KBTBD2: variants seen among roughly 807,000 people sequenced by gnomAD.
KBTBD2 encodes the protein kelch repeat and BTB domain containing 2.
KBTBD2 carries 17 observed loss-of-function variants against 57.1 expected under a neutral mutation model. That is an observed-to-expected ratio of 0.30 (90% CI 0.20 to 0.45). The LOEUF (loss-of-function observed/expected upper bound fraction) is 0.45, where lower values mean the gene tolerates loss of function less well. Among genes scored for constraint, KBTBD2 ranks in the 20% least tolerant of loss-of-function variants. The pLI, the probability that KBTBD2 is intolerant of heterozygous loss-of-function variation, is 1.00. For missense variants in KBTBD2, 515 were observed against 750.6 expected (o/e 0.69, Z 3.67); for synonymous variants, 267 against 262.7 (o/e 1.02, Z -0.16).
chr7:32,889,340 C>T (rs940663123), intron 1 of KBTBD2, among the ~76,000 whole-genome samples: 2 of 150,244 alleles, frequency 1.3e-5, no homozygotes, highest in Non-Finnish European at 3.0e-5. Context: ...CGGTAGCTCA[C>T]GCCTGTAATC....
chr7:32,886,831 G>T (rs4720084), intron 1 of KBTBD2, among the ~76,000 whole-genome samples: 30,465 of 152,148 alleles, frequency 0.2, 3,787 homozygotes, highest in Admixed American at 0.4. Context: ...CCATGAAATT[G>T]TTTTACAGAT....
chr7:32,874,331 G>A (rs1396245710), intron 3 of KBTBD2, among the ~76,000 whole-genome samples: 4 of 151,842 alleles, frequency 2.6e-5, no homozygotes, highest in South Asian at 2.1e-4. Context: ...ACCCAGAGGC[G>A]GAGCTTGCAT....
At position 32,873,964 on chromosome 7, in the gene KBTBD2, G is replaced by A. The variant is rs187921970; in HGVS notation, c.336+1028C>T. 1.6e-3 allele frequency among the ~76,000 whole-genome samples: 239 copies of A among 152,164 alleles called. 2 individuals are homozygous for A. Among genetic ancestry groups the A allele is most frequent in the African/African-American group, 5.4e-3 (223 of 41,514 alleles). ...AAACACGTAATAAGAAAATTACATA[G>A]ATAAAAGACATTACTGGGCCAGGCA... On this transcript the variant is annotated intron_variant, in intron 3 of 3. Transcript: ENST00000304056.
Position 32,869,237 on chromosome 7 carries a change from A to G in KBTBD2, c.*108T>C. The G allele has an allele frequency of 2.6e-6, 2 of 754,930 alleles. No homozygotes were observed. Among genetic ancestry groups the G allele is most frequent in the East Asian group, 2.6e-5 (1 of 37,906 alleles). 46.8% of individuals were successfully genotyped at this position (754,930 alleles called of 1,614,324 possible). Reference sequence around the variant, plus strand: ...GTAGGGCATAAAAATAAAATTTATCAAAGATAGAATTTTATGTACTCATAT... The same window carrying G: ...GTAGGGCATAAAAATAAAATTTATCGAAGATAGAATTTTATGTACTCATAT... On this transcript the variant is annotated 3_prime_UTR_variant, in exon 4 of 4. Coordinates refer to ENST00000304056, the MANE Select transcript of KBTBD2 (RefSeq NM_015483.3).
chr7:32,873,003 G>C (rs770744422), intron 3 of KBTBD2, among the ~76,000 whole-genome samples: 6 of 152,130 alleles, frequency 3.9e-5, no homozygotes, highest in Non-Finnish European at 8.8e-5. Flanking sequence ...CATTCAACCA[G>C]TGTCATGCAT....
At chr7:32,873,577 T>C (rs1355590423) in intron 3 of KBTBD2, among the ~76,000 whole-genome samples, 1 of 151,814 alleles carries the variant, frequency 6.6e-6, no homozygotes, top group Non-Finnish European at 1.5e-5. Context: ...CAACTAAAAA[T>C]ACAAAAATTA....
Position 32,869,276 on chromosome 7 carries a change from A to C in KBTBD2, c.*69T>G, listed in dbSNP as rs1784105893. 5 of 1,135,084 alleles carry C rather than the reference A, an allele frequency of 4.4e-6. No individual in the cohort carries two copies. Among genetic ancestry groups the C allele is most frequent in the Admixed American group, 2.3e-5 (1 of 42,640 alleles). The allele number at this position is 1,135,084 out of a possible 1,614,324, so 70.3% of individuals were successfully genotyped here. On this transcript the variant is annotated 3_prime_UTR_variant, in exon 4 of 4. Coordinates refer to ENST00000304056, the MANE Select transcript of KBTBD2 (RefSeq NM_015483.3). ...ATGTACTCATATTTAGTTCTTTCAT[A>C]GCCTCTTTTGTTTAGCAAAGAAAAT... is the stretch of plus-strand genomic sequence containing the variant.
chr7:32,885,808 A>C (rs1784565536), intron 1 of KBTBD2, among the ~76,000 whole-genome samples: 1 of 152,100 alleles, frequency 6.6e-6, no homozygotes, highest in African/African-American at 2.4e-5. Flanking sequence ...TCCTGCGCTC[A>C]ATTCAGTGTT....
chr7:32,885,687 T>C (rs544835634), intron 1 of KBTBD2, among the ~76,000 whole-genome samples: 1 of 152,268 alleles, frequency 6.6e-6, no homozygotes, highest in African/African-American at 2.4e-5. Context: ...CTAACCAGCA[T>C]AAGAATTAAA....
chr7:32,878,534 C>T (rs1467341930), intron 2 of KBTBD2, among the ~76,000 whole-genome samples: 3 of 150,692 alleles, frequency 2.0e-5, no homozygotes, highest in South Asian at 2.1e-4. Flanking sequence ...GAGCCGAGAT[C>T]GCGCCACTGC....
intron 1 of KBTBD2, among the ~76,000 whole-genome samples, chr7:32,888,563 CAAA>C (rs948441452): frequency 1.6e-4 from 24 of 151,144 alleles, no homozygotes; most frequent in Non-Finnish European, 1.8e-4. Flanking sequence ...CAAAAAAAAA[CAAA>C]AAAACCAAAA....
rs769102336 is a variant in KBTBD2 at position 32,869,989 on chromosome 7, T to A, written c.1228A>T (p.Thr410Ser). 2 of 1,614,140 alleles carry A rather than the reference T, an allele frequency of 1.2e-6. No homozygotes were observed. Among genetic ancestry groups the A allele is most frequent in the South Asian group, 1.1e-5 (1 of 91,076 alleles). ...GCACAAGGTAAAGGGCTTACCATCG[T>A]CCACTCATCTTTCTCAGTGTCGTAT... ...ERYDTEKDEWTMVSPLPCAWQ... is the reference protein window; with the variant it reads ...ERYDTEKDEWSMVSPLPCAWQ... Residue 410 changes from threonine to serine, a missense_variant, in exon 4 of 4, where the codon ACG (threonine) becomes TCG (serine). Transcript: ENST00000304056.
In KBTBD2 at chr7:32,875,019, C is replaced by G. The variant is rs1434883118; in HGVS notation, c.309G>C (p.Gln103His). Residue 103 changes from glutamine (Q) to histidine (H), a missense_variant, in exon 3 of 4, where the codon CAG (glutamine) becomes CAC (histidine). Coordinates refer to ENST00000304056, the MANE Select transcript of KBTBD2 (RefSeq NM_015483.3). ...NLAMNDSTVE[Q>H]LYETACFLQV... ...GTAGGAAGCAAGCTGTTTCATAAAG[C>G]TGTTCTACAGTGCTGTCATTCATTG... 6.2e-7 allele frequency: 1 copy of G among 1,614,084 alleles called. No homozygotes were observed. Among genetic ancestry groups the G allele is most frequent in the Admixed American group, 1.7e-5 (1 of 60,008 alleles).
chr7:32,877,119 A>T (rs919177537), intron 2 of KBTBD2, among the ~76,000 whole-genome samples: 1 of 152,050 alleles, frequency 6.6e-6, no homozygotes, highest in East Asian at 1.9e-4. Flanking sequence ...CCCAGGTTCA[A>T]GCGATTCTCC....
At chr7:32,883,140 G>A (rs1429689344) in intron 1 of KBTBD2, among the ~76,000 whole-genome samples, 5 of 152,152 alleles carry the variant, frequency 3.3e-5, no homozygotes, top group African/African-American at 1.2e-4. Flanking sequence ...GGAGGCCTAG[G>A]AGGGCAGATC....
intron 1 of KBTBD2, among the ~76,000 whole-genome samples, chr7:32,887,728 G>A (rs538168182): frequency 1.4e-4 from 21 of 152,178 alleles, no homozygotes; most frequent in Non-Finnish European, 2.2e-4. Context: ...CTCCATGGAG[G>A]TCAACCGTTG....
At chr7:32,874,506 C>T (rs1238970130) in intron 3 of KBTBD2, 1 of 152,206 alleles carries the variant, frequency 6.6e-6, no homozygotes, top group African/African-American at 2.4e-5. Context: ...GAGGCTGAAG[C>T]AGGAGGATCA....
At chr7:32,888,563 C>CA (rs948441452) in intron 1 of KBTBD2, among the ~76,000 whole-genome samples, 4 of 151,144 alleles carry the variant, frequency 2.6e-5, no homozygotes, top group African/African-American at 4.9e-5. Context: ...CAAAAAAAAA[C>CA]AAAAAAACCA....
At chr7:32,882,890 C>G (rs1331214214) in intron 1 of KBTBD2, among the ~76,000 whole-genome samples, 4 of 152,104 alleles carry the variant, frequency 2.6e-5, no homozygotes, top group Non-Finnish European at 4.4e-5. Flanking sequence ...GAAGCTGAGG[C>G]CAGGGAATCA....
Sources: allele counts gnomAD v4.1 joint callset (sites outside exome capture counted in the v4.1 genomes callset), GRCh38; gene constraint gnomAD v4.1.1; transcripts MANE v1.5; gene names NCBI Gene and HGNC (gene_info 2026-07-23, HGNC 2026-07-21).